CSMD1: variants seen among roughly 807,000 people sequenced by gnomAD.
CSMD1 encodes the protein CUB and Sushi multiple domains 1.
Under a neutral mutation model 417.5 loss-of-function variants are expected in CSMD1, and 213 were observed. The ratio of observed to expected loss-of-function variants is 0.51; its 90% CI spans 0.46 to 0.57. CSMD1 has a LOEUF of 0.57. Among genes scored for constraint, CSMD1 ranks in the 20% least tolerant of loss-of-function variants. The pLI is 0.00. For missense variants in CSMD1, 6,923 were observed against 4,529.7 expected, an observed-to-expected ratio of 1.53 and a Z score of -15.17; for synonymous variants, 2,862 against 1,736.8, an observed-to-expected ratio of 1.65 and a Z score of -16.11.
intron 18 of CSMD1, among the ~76,000 whole-genome samples, chr8:3,373,900 G>A (rs749093420): frequency 6.6e-6 from 1 of 152,044 alleles, no homozygotes; most frequent in Non-Finnish European, 1.5e-5. Context: ...AACAAAAGAG[G>A]AGACATACGT....
chr8:3,269,222 C>G (rs1585866618), intron 26 of CSMD1, among the ~76,000 whole-genome samples: 1 of 152,206 alleles, frequency 6.6e-6, no homozygotes, highest in African/African-American at 2.4e-5. Context: ...TGTCTTTGGG[C>G]CTATGCTGTT....
chr8:4,340,754 C>A (rs568141189), intron 3 of CSMD1, among the ~76,000 whole-genome samples: 7 of 152,076 alleles, frequency 4.6e-5, no homozygotes, highest in African/African-American at 1.7e-4. Flanking sequence ...TCAGCAAACT[C>A]TGCAAAACTG....
intron 49 of CSMD1, among the ~76,000 whole-genome samples, chr8:3,065,934 T>G (rs550389245): frequency 8.5e-5 from 13 of 152,132 alleles, no homozygotes; most frequent in Non-Finnish European, 1.8e-4. Flanking sequence ...TATCACCCAC[T>G]AAGCCAGCCA....
rs532589138 is a variant in CSMD1, at chr8:3,179,136, G to C, written c.5725+1974C>G. Among the ~76,000 whole-genome samples the C allele has an allele frequency of 3.3e-5, 5 of 151,016 alleles. 1 individual carries two copies. In the South Asian group the frequency reaches 8.5e-4, roughly 26 times the overall value. Reference sequence around the variant, plus strand: ...AATTCTTTGTATTTTTAGTAGATACGGGGTTTCAACGTGTTAGCCAGGACT... The same window carrying C: ...AATTCTTTGTATTTTTAGTAGATACCGGGTTTCAACGTGTTAGCCAGGACT... On this transcript the variant is annotated intron_variant, in intron 37 of 69. Coordinates refer to ENST00000635120, the MANE Select transcript of CSMD1 (RefSeq NM_033225.6).
chr8:3,788,419 G>T (rs1799561086), intron 5 of CSMD1, among the ~76,000 whole-genome samples: 1 of 152,100 alleles, frequency 6.6e-6, no homozygotes, highest in South Asian at 2.1e-4. Context: ...GGCTTCTGGA[G>T]GTGCCCAACA....
intron 1 of CSMD1, among the ~76,000 whole-genome samples, chr8:4,956,842 A>C (rs1416859290): frequency 3.9e-5 from 6 of 152,166 alleles, no homozygotes; most frequent in African/African-American, 1.4e-4. Flanking sequence ...CACCTCCTGC[A>C]GAAGTCAGTG....
chr8:4,078,795 G>C (rs951085932), intron 3 of CSMD1, among the ~76,000 whole-genome samples: 1 of 148,954 alleles, frequency 6.7e-6, no homozygotes, highest in African/African-American at 2.5e-5. Flanking sequence ...TAGCACTTTG[G>C]GAGGCCAAGG....
At chr8:4,978,751 A>G (rs1389445667) in intron 1 of CSMD1, among the ~76,000 whole-genome samples, 3 of 152,164 alleles carry the variant, frequency 2.0e-5, no homozygotes, top group Non-Finnish European at 4.4e-5. Context: ...CAGCCTGGCC[A>G]ACACAGTGAA....
At chr8:4,484,680 G>A (rs908489295) in intron 2 of CSMD1, among the ~76,000 whole-genome samples, 1 of 151,970 alleles carries the variant, frequency 6.6e-6, no homozygotes, top group Non-Finnish European at 1.5e-5. Context: ...TATTGAAAGA[G>A]GAAAAGTCAC....
At chr8:4,159,931 C>A (rs1030726307) in intron 3 of CSMD1, among the ~76,000 whole-genome samples, 1 of 151,860 alleles carries the variant, frequency 6.6e-6, no homozygotes, top group Non-Finnish European at 1.5e-5. Flanking sequence ...AACTTTCGGG[C>A]CTTGAGGGGA....
At chr8:3,405,708 T>C (rs1424106365) in intron 15 of CSMD1, among the ~76,000 whole-genome samples, 1 of 152,130 alleles carries the variant, frequency 6.6e-6, no homozygotes. Flanking sequence ...CTTTTGAGTC[T>C]GGAGGCAGAG....
chr8:4,443,568 C>G (rs896656691), intron 2 of CSMD1, among the ~76,000 whole-genome samples: 2 of 152,104 alleles, frequency 1.3e-5, no homozygotes, highest in Non-Finnish European at 2.9e-5. Context: ...TGGCTCAAGA[C>G]ACATGAATAA....
At chr8:3,699,609 C>G (rs138229863) in intron 7 of CSMD1, among the ~76,000 whole-genome samples, 1 of 152,118 alleles carries the variant, frequency 6.6e-6, no homozygotes. Flanking sequence ...TCCATTTTTA[C>G]TCAATCATCA....
At chr8:3,102,924 C>A (rs142104369) in intron 46 of CSMD1, among the ~76,000 whole-genome samples, 6 of 152,102 alleles carry the variant, frequency 3.9e-5, no homozygotes, top group African/African-American at 1.4e-4. Context: ...GTTTTATTAG[C>A]GGTCTGAAGA....
chr8:3,470,896 A>G (rs1393113656), intron 11 of CSMD1, among the ~76,000 whole-genome samples: 2 of 152,174 alleles, frequency 1.3e-5, no homozygotes, highest in Non-Finnish European at 2.9e-5. Flanking sequence ...TTGTGGATAT[A>G]CCACAGCTTG....
At chr8:3,394,548 T>C (rs1048822851) in intron 17 of CSMD1, among the ~76,000 whole-genome samples, 11 of 152,134 alleles carry the variant, frequency 7.2e-5, no homozygotes, top group Admixed American at 4.6e-4. Context: ...TTCTAATATT[T>C]GTCAATGCCT....
intron 3 of CSMD1, among the ~76,000 whole-genome samples, chr8:4,394,883 C>T (rs1005905268): frequency 7.2e-5 from 11 of 152,114 alleles, no homozygotes; most frequent in African/African-American, 1.7e-4. Context: ...CTTGTCTACA[C>T]GTCTGTTTTC....
chr8:4,098,092 C>T (rs566083634), intron 3 of CSMD1, among the ~76,000 whole-genome samples: 3 of 152,256 alleles, frequency 2.0e-5, no homozygotes, highest in Admixed American at 6.5e-5. Context: ...AATATCTCAA[C>T]AACAAAGGCT....
chr8:4,759,190 G>A (rs543403751), intron 1 of CSMD1, among the ~76,000 whole-genome samples: 36 of 152,268 alleles, frequency 2.4e-4, no homozygotes, highest in Admixed American at 6.5e-4. Flanking sequence ...TGTTAGTGTT[G>A]TCTTGACTTG....
Sources: gnomAD v4.1 joint callset for allele counts (sites outside exome capture counted in the v4.1 genomes callset) on GRCh38, gnomAD v4.1.1 for gene constraint, MANE v1.5 for transcripts, NCBI Gene and HGNC (gene_info 2026-07-23, HGNC 2026-07-21) for gene names.